STT3B: variants seen among roughly 807,000 people sequenced by gnomAD.
STT3B encodes the protein dolichyl-diphosphooligosaccharide--protein glycosyltransferase subunit STT3B.
STT3B carries 29 observed loss-of-function variants against 96.8 expected under a neutral mutation model. That is an observed-to-expected ratio of 0.30 (90% CI 0.22 to 0.41). The LOEUF (loss-of-function observed/expected upper bound fraction) is 0.41. Ranked by LOEUF, STT3B falls within the 10% of genes least tolerant of loss-of-function variation. STT3B has a pLI of 1.00. For missense variants in STT3B, 640 were observed against 1,022.3 expected (o/e 0.63, Z 5.10); for synonymous variants, 367 against 360.0 (o/e 1.02, Z -0.22).
At chr3:31,558,531 G>A (rs1697778147) in intron 1 of STT3B, among the ~76,000 whole-genome samples, 1 of 152,094 alleles carries the variant, frequency 6.6e-6, no homozygotes, top group African/African-American at 2.4e-5. Flanking sequence ...TGCTTCCCTG[G>A]TATAAACCCA....
chr3:31,626,774 A>C (rs1252609270), intron 13 of STT3B, among the ~76,000 whole-genome samples: 1 of 152,214 alleles, frequency 6.6e-6, no homozygotes, highest in Admixed American at 6.5e-5. Context: ...TTTATAGTAA[A>C]GTAGTTGAAG....
intron 2 of STT3B, among the ~76,000 whole-genome samples, chr3:31,578,866 T>C (rs1186106549): frequency 6.6e-6 from 1 of 152,070 alleles, no homozygotes; most frequent in African/African-American, 2.4e-5. Flanking sequence ...TGATAAGTAT[T>C]ATGGAGAAAA....
At chr3:31,632,454 A>G (rs559512651) in intron 14 of STT3B, among the ~76,000 whole-genome samples, 1 of 152,224 alleles carries the variant, frequency 6.6e-6, no homozygotes, top group Non-Finnish European at 1.5e-5. Flanking sequence ...TGAGGAAACA[A>G]TAAAGGAGAT....
intron 9 of STT3B, 24 bp downstream of exon 9, chr3:31,619,854 C>T: frequency 2.5e-6 from 4 of 1,591,604 alleles, no homozygotes; most frequent in Non-Finnish European, 3.4e-6. Context: ...TTAATGAATA[C>T]TTTGATATGG....
chr3:31,552,154 A>C (rs1008233869), intron 1 of STT3B, among the ~76,000 whole-genome samples: 3 of 152,242 alleles, frequency 2.0e-5, no homozygotes, highest in African/African-American at 7.2e-5. Flanking sequence ...ATGTTGGTTT[A>C]AGCCACTGAG....
At chr3:31,541,637 C>T (rs111699876) in intron 1 of STT3B, among the ~76,000 whole-genome samples, 19 of 152,030 alleles carry the variant, frequency 1.2e-4, no homozygotes, top group East Asian at 7.7e-4. Flanking sequence ...ATTGCAGTGG[C>T]GCGATCTCAG....
chr3:31,624,017 C>T (rs1699481265), intron 11 of STT3B, among the ~76,000 whole-genome samples, 156 bp downstream of exon 11: 3 of 152,098 alleles, frequency 2.0e-5, no homozygotes, highest in African/African-American at 7.2e-5. Context: ...ACAGTAAATA[C>T]ATAATTTTAT....
chr3:31,539,650 A>C (rs1339611455), intron 1 of STT3B, among the ~76,000 whole-genome samples: 1 of 152,180 alleles, frequency 6.6e-6, no homozygotes, highest in African/African-American at 2.4e-5. Context: ...TAAGCTTACT[A>C]GTTGGATAAT....
At chr3:31,608,001 G>A (rs984892548) in intron 5 of STT3B, among the ~76,000 whole-genome samples, 1 of 152,186 alleles carries the variant, frequency 6.6e-6, no homozygotes, top group East Asian at 1.9e-4. Flanking sequence ...AAGTAGTTTT[G>A]ATGGTTTTGA....
intron 5 of STT3B, among the ~76,000 whole-genome samples, chr3:31,601,000 T>C (rs1698914961): frequency 6.6e-6 from 1 of 152,168 alleles, no homozygotes. Flanking sequence ...CTTCTATGGG[T>C]TGAAGGAACT....
chr3:31,615,527 C>T (rs761854365), intron 6 of STT3B, among the ~76,000 whole-genome samples: 4 of 151,786 alleles, frequency 2.6e-5, no homozygotes, highest in Non-Finnish European at 5.9e-5. Context: ...ACTTAATCTC[C>T]ATCTTCCCAG....
At chr3:31,558,288 A>G (rs1697772916) in intron 1 of STT3B, among the ~76,000 whole-genome samples, 2 of 152,136 alleles carry the variant, frequency 1.3e-5, no homozygotes, top group Admixed American at 1.3e-4. Context: ...AACTTTTCTT[A>G]ATTCAGCATG....
chr3:31,540,993 T>G (rs1232119422), intron 1 of STT3B, among the ~76,000 whole-genome samples: 2 of 152,208 alleles, frequency 1.3e-5, no homozygotes, highest in African/African-American at 4.8e-5. Flanking sequence ...ATTATTAAAG[T>G]AAATTATTAT....
At chr3:31,556,958 G>C (rs565057567) in intron 1 of STT3B, among the ~76,000 whole-genome samples, 2 of 152,126 alleles carry the variant, frequency 1.3e-5, no homozygotes, top group Admixed American at 6.5e-5. Flanking sequence ...TAAAATCTTT[G>C]CCTTGACCAT....
In STT3B at chr3:31,549,381, C is replaced by A. The variant is rs1697495981; in HGVS notation, c.314+16069C>A. ...CTAACTTCTATGATAGTTAAGTTCT[C>A]AGGCCTGTATACATTGCTTATTTTG... On this transcript the variant is annotated intron_variant, in intron 1 of 15. Transcript: ENST00000295770. Among the ~76,000 whole-genome samples, 3 of 151,712 alleles carry A rather than the reference C, an allele frequency of 2.0e-5. No individual in the cohort carries two copies. The South Asian group carries it at 6.3e-4, about 32-fold the overall frequency.
intron 1 of STT3B, among the ~76,000 whole-genome samples, chr3:31,535,280 A>G (rs989392934): frequency 6.6e-6 from 1 of 151,990 alleles, no homozygotes; most frequent in Non-Finnish European, 1.5e-5. Flanking sequence ...GCAATAATGA[A>G]AAGGCTCAAC....
At position 31,624,231 on chromosome 3, in the gene STT3B, C is replaced by A. The variant is rs1357027403; in HGVS notation, c.1727+370C>A. ...CCCGTTAACCATCCCCGTGCACTCT[C>A]CCCCGCCCCTGCCAGCCTCTGCCTT... On this transcript the variant is annotated intron_variant, in intron 11 of 15. Coordinates refer to ENST00000295770, the MANE Select transcript of STT3B (RefSeq NM_178862.3). Among the ~76,000 whole-genome samples, 5 of 152,238 alleles carry A rather than the reference C, an allele frequency of 3.3e-5. No individual in the cohort carries two copies. The East Asian group carries it at 9.7e-4, about 29-fold the overall frequency.
chr3:31,613,557 C>T (rs1290366108), intron 5 of STT3B, among the ~76,000 whole-genome samples: 1 of 151,872 alleles, frequency 6.6e-6, no homozygotes, highest in East Asian at 1.9e-4. Context: ...CTTGTCCAAC[C>T]CACATTCTAT....
chr3:31,623,952 T>C (rs1405916480), intron 11 of STT3B, 91 bp downstream of exon 11: 1 of 1,107,434 alleles, frequency 9.0e-7, no homozygotes, highest in Non-Finnish European at 1.3e-6. Flanking sequence ...GAATGTTGTT[T>C]GTGAGATTCT....
Sources: allele counts gnomAD v4.1 joint callset (sites outside exome capture counted in the v4.1 genomes callset), GRCh38; gene constraint gnomAD v4.1.1; transcripts MANE v1.5; gene names NCBI Gene and HGNC (gene_info 2026-07-23, HGNC 2026-07-21).